Variants in POC1A observed in about 807,000 individuals in gnomAD.
The protein encoded by POC1A is POC1 centriolar protein homolog A.
In POC1A, 34 loss-of-function variants were observed where a neutral mutation model predicts 47.8. The observed-to-expected ratio is 0.71, with a 90% CI of 0.54 to 0.95. POC1A has a LOEUF of 0.95. POC1A is among the 40% of genes least tolerant of loss of function. The pLI, the probability that POC1A is intolerant of heterozygous loss-of-function variation, is 0.00. For missense variants in POC1A, 466 were observed against 528.3 expected (o/e 0.88, Z 1.16); for synonymous variants, 177 against 207.6 (o/e 0.85, Z 1.27).
chr3:52,151,093 G>C lies in POC1A; in HGVS notation c.26C>G (p.Pro9Arg). The stretch of plus-strand genomic sequence containing the variant: ...GCCCTTAAAATGCCTTTCCAGCGAG[G>C]GGTCCTCCTGAGAGAGAGCCAGGGT... MAAPCAED[P>R]SLERHFKGHR... is the part of the protein sequence containing the mutation. The change falls in exon 2 of 11, where the codon CCC becomes CGC. Residue 9 changes from proline (P) to arginine (R), a missense_variant. Pro to Arg is a moderately radical substitution (Grantham distance 103, BLOSUM62 -2). Coordinates refer to ENST00000296484, the MANE Select transcript of POC1A (RefSeq NM_015426.5). 6.2e-7 allele frequency: 1 copy of C among 1,613,610 alleles called. No homozygotes were observed. Among genetic ancestry groups the C allele is most frequent in the Non-Finnish European group, 8.5e-7 (1 of 1,179,734 alleles).
intron 6 of POC1A, among the ~76,000 whole-genome samples, chr3:52,143,382 C>T (rs145929822): frequency 3.9e-5 from 6 of 152,226 alleles, no homozygotes; most frequent in Admixed American, 6.5e-5. Context: ...CAGTACCCAC[C>T]GCTCTCCTCG....
At chr3:52,110,801 C>T (rs1028843873) in intron 9 of POC1A, among the ~76,000 whole-genome samples, 1 of 152,250 alleles carries the variant, frequency 6.6e-6, no homozygotes, top group Admixed American at 6.5e-5. Context: ...TGTTGAGACT[C>T]CACTTTCTGT....
rs1271293224 is a variant in POC1A at position 52,145,930 on chromosome 3, C to T, written c.595G>A (p.Gly199Arg). The part of the protein sequence containing the change: ...FVTYVDFHPS[G>R]TCIAAAGMDN... ...ATGCCGGCAGCGGCAATGCACGTCC[C>T]ACTGGGGTGGAAGTCCACATAGGTG... Residue 199 changes from glycine (G) to arginine (R), a missense_variant, in exon 6 of 11, where the codon GGG becomes AGG. Coordinates refer to ENST00000296484, the MANE Select transcript of POC1A (RefSeq NM_015426.5). 8 of 1,613,642 alleles carry T rather than the reference C, an allele frequency of 5.0e-6. No homozygotes were observed. Among genetic ancestry groups the T allele is most frequent in the Middle Eastern group, 1.6e-4 (1 of 6,084 alleles).
chr3:52,146,099 C>G (rs1236809324), intron 5 of POC1A, 138 bp from the exon 6 acceptor site: 1 of 611,888 alleles, frequency 1.6e-6, no homozygotes, highest in Non-Finnish European at 3.0e-6. Flanking sequence ...TTCTGTCACA[C>G]TTGTTTACCA....
At chr3:52,088,572 C>G (rs1257615236) in intron 10 of POC1A, among the ~76,000 whole-genome samples, 1 of 152,064 alleles carries the variant, frequency 6.6e-6, no homozygotes, top group Non-Finnish European at 1.5e-5. Context: ...AGGAAAGCAC[C>G]AAGAGGTCAC....
At chr3:52,135,303 A>G (rs1410168174) in intron 7 of POC1A, among the ~76,000 whole-genome samples, 3 of 152,256 alleles carry the variant, frequency 2.0e-5, no homozygotes, top group African/African-American at 7.2e-5. Context: ...TGGACCCCGT[A>G]TCTTAACCAA....
intron 6 of POC1A, among the ~76,000 whole-genome samples, chr3:52,143,629 A>G (rs1016753143): frequency 1.3e-5 from 2 of 151,956 alleles, no homozygotes; most frequent in Non-Finnish European, 2.9e-5. Context: ...CTCCACCCCA[A>G]CAGGGTCAGC....
intron 10 of POC1A, among the ~76,000 whole-genome samples, chr3:52,094,330 C>T (rs1465860892): frequency 1.3e-5 from 2 of 152,220 alleles, no homozygotes; most frequent in Non-Finnish European, 2.9e-5. Flanking sequence ...GTGGTGGCCG[C>T]CTGGCACTAA....
intron 9 of POC1A, among the ~76,000 whole-genome samples, chr3:52,120,023 C>T (rs534995524): frequency 2.0e-4 from 31 of 152,290 alleles, no homozygotes; most frequent in African/African-American, 7.0e-4. Flanking sequence ...GATACGGTCT[C>T]GGTGCCAGGG....
In POC1A at chr3:52,090,218, C is replaced by T. The variant is rs186345960; in HGVS notation, c.1125+6351G>A. Among the ~76,000 whole-genome samples the T allele has an allele frequency of 3.9e-5, 6 of 152,302 alleles. No individual in the cohort carries two copies. Among genetic ancestry groups the T allele is most frequent in the African/African-American group, 9.6e-5 (4 of 41,558 alleles). Reference sequence around the variant, plus strand: ...CCTCCATGAGTCACAGGAACTGGAACGTGACATCACAGCATTGCTGTGGCC... The same window carrying T: ...CCTCCATGAGTCACAGGAACTGGAATGTGACATCACAGCATTGCTGTGGCC... On this transcript the variant is annotated intron_variant, in intron 10 of 10. Transcript: ENST00000296484. The surrounding 1 kb of genome is among the most constrained non-coding windows in gnomAD (Gnocchi z 4.2).
At chr3:52,140,551 C>G (rs1698158844) in intron 6 of POC1A, among the ~76,000 whole-genome samples, 1 of 152,192 alleles carries the variant, frequency 6.6e-6, no homozygotes, top group Non-Finnish European at 1.5e-5. Context: ...CCCACCTGGT[C>G]AAGCCCATCC....
chr3:52,153,645 C>T (rs1295329644), intron 1 of POC1A, among the ~76,000 whole-genome samples: 4 of 152,240 alleles, frequency 2.6e-5, no homozygotes, highest in African/African-American at 4.8e-5. Context: ...CTCTCAACAC[C>T]GCCTCCCCTC....
At chr3:52,146,884 G>C in intron 5 of POC1A, 104 bp downstream of exon 5, 2 of 900,620 alleles carry the variant, frequency 2.2e-6, no homozygotes. Flanking sequence ...TAAGGCTGCT[G>C]GTCCCACGGC....
At chr3:52,132,428 T>C (rs1452041478) in intron 7 of POC1A, among the ~76,000 whole-genome samples, 3 of 152,096 alleles carry the variant, frequency 2.0e-5, no homozygotes, top group African/African-American at 7.2e-5. Context: ...CTGTGTAACC[T>C]CCCCAGCTGA....
At chr3:52,122,860 C>A (rs1703841297) in intron 8 of POC1A, among the ~76,000 whole-genome samples, 3 of 152,390 alleles carry the variant, frequency 2.0e-5, no homozygotes, top group Admixed American at 1.3e-4. Flanking sequence ...TCATAGCCCT[C>A]TATTTATTTC....
At chr3:52,125,251 G>C (rs1384580238) in intron 7 of POC1A, 70 bp from the exon 8 acceptor site, 30 of 1,271,912 alleles carry the variant, frequency 2.4e-5, no homozygotes, top group Admixed American at 7.0e-5. Context: ...GGAAGAAAAC[G>C]AGACGTTCTT....
intron 9 of POC1A, among the ~76,000 whole-genome samples, chr3:52,107,201 C>T (rs1703217357): frequency 2.6e-5 from 4 of 152,256 alleles, no homozygotes; most frequent in Admixed American, 2.6e-4. Flanking sequence ...ACAACCCCAG[C>T]CTTTAGAAGC....
chr3:52,140,840 G>T (rs1055907657), intron 6 of POC1A, among the ~76,000 whole-genome samples: 2 of 152,248 alleles, frequency 1.3e-5, no homozygotes, highest in South Asian at 2.1e-4. Context: ...AGGCCTCATC[G>T]TAAGAACCAC....
chr3:52,082,967 A>T (rs1702348534), intron 10 of POC1A, among the ~76,000 whole-genome samples: 1 of 152,084 alleles, frequency 6.6e-6, no homozygotes. Context: ...GGGCTCCGAG[A>T]TTGGAACAGT....
Sources: gnomAD v4.1 joint callset for allele counts (sites outside exome capture counted in the v4.1 genomes callset) on GRCh38, gnomAD v4.1.1 for gene constraint, Gnocchi (gnomAD v3.1) non-coding constraint, MANE v1.5 for transcripts, NCBI Gene and HGNC (gene_info 2026-07-23, HGNC 2026-07-21) for gene names.